Variants in PCDHA4 observed in about 807,000 individuals in gnomAD.
PCDHA4 encodes protocadherin alpha-4.
Under a neutral mutation model 61.4 loss-of-function variants are expected in PCDHA4, and 49 were observed. That is an observed-to-expected ratio of 0.80 (90% CI 0.63 to 1.01). PCDHA4 has a LOEUF of 1.01. Ranked by LOEUF, PCDHA4 falls within the 50% of genes least tolerant of loss-of-function variation. The probability of loss-of-function intolerance (pLI) is 0.00; values close to 1 mark genes in which losing one functional copy is unlikely to be tolerated. For missense variants in PCDHA4, 1,254 were observed against 1,235.8 expected (o/e 1.01, Z -0.22); for synonymous variants, 590 against 550.3 (o/e 1.07, Z -1.01).
At chr5:140,856,537 G>C (rs782543512) in intron 1 of PCDHA4, 2 of 1,598,372 alleles carry the variant, frequency 1.3e-6, no homozygotes, top group East Asian at 4.5e-5. Context: ...ATGTTGGAGA[G>C]AACGCATTGC....
chr5:140,972,316 GT>G (rs112435719), intron 1 of PCDHA4, among the ~76,000 whole-genome samples: 1,932 of 139,568 alleles, frequency 0.014, 18 homozygotes, highest in African/African-American at 0.036. Context: ...GTTTTTAGGT[GT>G]TTTTTTTTTT....
chr5:140,820,237 T>C (rs2150106337), intron 1 of PCDHA4, among the ~76,000 whole-genome samples: 1 of 151,912 alleles, frequency 6.6e-6, no homozygotes, highest in Non-Finnish European at 1.5e-5. Flanking sequence ...ATAATAGAGA[T>C]AGTAAAAATC....
At chr5:140,913,734 A>C (rs1408251545) in intron 1 of PCDHA4, among the ~76,000 whole-genome samples, 1 of 152,070 alleles carries the variant, frequency 6.6e-6, no homozygotes, top group African/African-American at 2.4e-5. Context: ...TCCCTCTAAT[A>C]GTACTCCTTT....
intron 1 of PCDHA4, chr5:140,858,650 T>A (rs1581517795): frequency 6.1e-6 from 5 of 822,646 alleles, no homozygotes; most frequent in Admixed American, 3.2e-5. Context: ...GGTACTTAAA[T>A]TTTTTTAAAT....
chr5:140,961,445 C>T (rs772072156), intron 1 of PCDHA4, among the ~76,000 whole-genome samples: 1 of 152,214 alleles, frequency 6.6e-6, no homozygotes, highest in South Asian at 2.1e-4. Context: ...CCTAACTACA[C>T]TGTCTTGCAG....
At position 140,870,703 on chromosome 5, in the gene PCDHA4, G is replaced by C. The variant is rs899824906; in HGVS notation, c.2385+61131G>C. On this transcript the variant is annotated intron_variant, in intron 1 of 3. Coordinates refer to ENST00000530339, the MANE Select transcript of PCDHA4 (RefSeq NM_018907.4). ...GGAGCTGGAGCTGCTACAGTTCCAG[G>C]TGAGCGCGCGCGATGCGGGCGTGCC... is the stretch of plus-strand genomic sequence containing the variant. 6 of 1,613,034 alleles carry C rather than the reference G, an allele frequency of 3.7e-6. No homozygotes were observed. In the Admixed American group the frequency reaches 1.0e-4, roughly 27 times the overall value.
chr5:140,875,192 C>A, intron 1 of PCDHA4: 2 of 509,100 alleles, frequency 3.9e-6, no homozygotes, highest in Non-Finnish European at 6.3e-6. Context: ...AAGAGTGACC[C>A]AGGAAGTGGC....
chr5:140,863,257 C>G (rs1158491669), intron 1 of PCDHA4: 1 of 1,442,346 alleles, frequency 6.9e-7, no homozygotes, highest in Non-Finnish European at 9.4e-7. Context: ...CGTCGAGGTC[C>G]GGGAGGCAGC....
intron 1 of PCDHA4, among the ~76,000 whole-genome samples, chr5:140,898,316 G>T (rs1487888782): frequency 6.6e-6 from 1 of 152,168 alleles, no homozygotes; most frequent in Non-Finnish European, 1.5e-5. Flanking sequence ...GGTTTTTATG[G>T]TTTTGGGTCT....
intron 3 of PCDHA4, among the ~76,000 whole-genome samples, chr5:140,987,098 C>A (rs2153859479): frequency 6.6e-6 from 1 of 151,952 alleles, no homozygotes; most frequent in Admixed American, 6.6e-5. Flanking sequence ...CCTGTAATCC[C>A]AGCTACTCGG....
chr5:140,965,029 A>G (rs1252337885), intron 1 of PCDHA4, among the ~76,000 whole-genome samples: 2 of 152,178 alleles, frequency 1.3e-5, no homozygotes, highest in Non-Finnish European at 2.9e-5. Context: ...GGCTCCTTTA[A>G]CTGTCCGCTC....
intron 1 of PCDHA4, chr5:140,869,088 G>A (rs1581866971): frequency 6.3e-7 from 1 of 1,587,910 alleles, no homozygotes; most frequent in Non-Finnish European, 8.6e-7. Context: ...TATTTTGGAA[G>A]CCAATTTCGT....
intron 1 of PCDHA4, among the ~76,000 whole-genome samples, chr5:140,820,020 T>G (rs1330576883): frequency 2.0e-5 from 3 of 152,036 alleles, no homozygotes; most frequent in African/African-American, 7.2e-5. Context: ...ATTCCATAGC[T>G]TTGTAGTTTT....
Position 140,843,176 on chromosome 5 carries a change from C to A in PCDHA4, c.2385+33604C>A, listed in dbSNP as rs145175505. 1.9e-6 allele frequency: 3 copies of A among 1,596,084 alleles called. 1 individual carries two copies. The highest frequency in any genetic ancestry group is 2.6e-6 in the Non-Finnish European group (3 of 1,165,610). On this transcript the variant is annotated intron_variant, in intron 1 of 3. Transcript: ENST00000530339. ...GCTGCAGCCAGCTGCAAGCAGCCCT[C>A]GCATCCCGTTCCGCGTGGGGCTGTA...
chr5:140,829,248 A>C (rs2150164667), intron 1 of PCDHA4: 23 of 1,614,078 alleles, frequency 1.4e-5, no homozygotes, highest in Admixed American at 1.2e-4. Context: ...GGGCAGGTGA[A>C]CTGCTCGCTG....
chr5:140,870,718 G>C (rs2052330987), intron 1 of PCDHA4: 2 of 1,613,062 alleles, frequency 1.2e-6, no homozygotes. Context: ...CGCGCGCGAT[G>C]CGGGCGTGCC....
intron 1 of PCDHA4, chr5:140,842,585 G>T: frequency 6.3e-7 from 1 of 1,596,296 alleles, no homozygotes; most frequent in East Asian, 2.2e-5. Flanking sequence ...GTCGGCCTAT[G>T]AGTTGGTGGT....
intron 1 of PCDHA4, chr5:140,825,908 A>G (rs1214842768): frequency 6.6e-6 from 1 of 152,422 alleles, no homozygotes; most frequent in Non-Finnish European, 1.5e-5. Flanking sequence ...GTTTGAGACT[A>G]CGCTAGACAG....
chr5:140,857,674 G>A lies in PCDHA4; in HGVS notation c.2385+48102G>A, dbSNP rs1581464423. 2.5e-6 allele frequency: 4 copies of A among 1,596,892 alleles called. No individual in the cohort carries two copies. In the East Asian group the frequency reaches 6.7e-5, roughly 27 times the overall value. ...TGAGCGCGCGCGATGGGGGCGTGCC[G>A]CCTCTGGGCAGCAACTTGACGCTGC... On this transcript the variant is annotated intron_variant, in intron 1 of 3. Coordinates refer to ENST00000530339, the MANE Select transcript of PCDHA4 (RefSeq NM_018907.4).
Sources: allele counts gnomAD v4.1 joint callset (sites outside exome capture counted in the v4.1 genomes callset), GRCh38; gene constraint gnomAD v4.1.1; transcripts MANE v1.5; gene names NCBI Gene and HGNC (gene_info 2026-07-23, HGNC 2026-07-21).